The following NKAPL variants were observed in gnomAD, a reference collection of about 807,000 sequenced individuals.
NKAPL encodes the protein NFKB activating protein like, also known as NKAP-like protein.
Under a neutral mutation model 14.7 loss-of-function variants are expected in NKAPL, and 7 were observed. That is an observed-to-expected ratio of 0.48 (90% CI 0.27 to 0.89). The LOEUF is 0.89. Among genes scored for constraint, NKAPL ranks in the 40% least tolerant of loss-of-function variants. NKAPL has a pLI of 0.12. For synonymous variants in NKAPL, 192 were observed against 179.9 expected, an observed-to-expected ratio of 1.07 and a Z score of -0.54; for missense variants, 466 against 494.1, an observed-to-expected ratio of 0.94 and a Z score of 0.54.
Position 28,260,451 on chromosome 6 carries a change from C to A in NKAPL, c.1080C>A (p.Ile360=). The A allele has an allele frequency of 1.9e-6, 3 of 1,614,096 alleles. No individual in the cohort carries two copies. Among genetic ancestry groups the A allele is most frequent in the Non-Finnish European group, 2.5e-6 (3 of 1,179,984 alleles). The change falls in exon 1 of 1, where the codon ATC becomes ATA. Residue 360 remains isoleucine (I), a synonymous_variant. Coordinates refer to ENST00000343684, the MANE Select transcript of NKAPL (RefSeq NM_001007531.3). ...EAVRLRKENQ[I]YSADEKRALA... is the part of the protein sequence containing the mutation. Reference sequence around the variant, plus strand: ...TACGACTGCGTAAGGAGAACCAGATCTACAGTGCTGATGAGAAGAGAGCTC... The same window carrying A: ...TACGACTGCGTAAGGAGAACCAGATATACAGTGCTGATGAGAAGAGAGCTC...
At position 28,259,477 on chromosome 6, in the gene NKAPL, T is replaced by G. The variant is rs1432471828; in HGVS notation, c.106T>G (p.Ser36Ala). 1 of 1,614,008 alleles carries G rather than the reference T, an allele frequency of 6.2e-7. No homozygotes were observed. The highest frequency in any genetic ancestry group is 8.5e-7 in the Non-Finnish European group (1 of 1,180,046). ...SPPSPQSRCS[S>A]WDGCSRSHSR... is the part of the protein sequence containing the mutation. ...ACCATCCCCGCAGAGCAGATGTTCC[T>G]CTTGGGATGGCTGTTCCCGCTCTCA... Residue 36 changes from serine to alanine, a missense_variant, in exon 1 of 1, where the codon TCT becomes GCT. By Grantham distance (99) the Ser-to-Ala change is moderately conservative. Coordinates refer to ENST00000343684, the MANE Select transcript of NKAPL (RefSeq NM_001007531.3).
rs1761299912 is a variant in NKAPL, at chr6:28,259,782, G to A, written c.411G>A (p.Trp137Ter). ...GGGAATTGGGAGCGCCTGAAGTGTGGGGGCCGTCTCCAAAGTTCCCTCAGC... is the reference window on the plus strand; with the variant it reads ...GGGAATTGGGAGCGCCTGAAGTGTGAGGGCCGTCTCCAAAGTTCCCTCAGC... Reference protein sequence around the residue: ...RIGELGAPEVWGPSPKFPQLD... With the variant: ...RIGELGAPEV Residue 137 changes from tryptophan to a stop codon, truncating the protein, a stop_gained, in exon 1 of 1, where the codon TGG becomes TGA. Transcript: ENST00000343684. LOFTEE classifies it low-confidence loss of function (END_TRUNC). The A allele has an allele frequency of 1.2e-6, 2 of 1,614,192 alleles. No individual in the cohort carries two copies. The highest frequency in any genetic ancestry group is 1.6e-4 in the Middle Eastern group (1 of 6,062).
rs528411964 is a variant in NKAPL at position 28,260,594 on chromosome 6, G to A, written c.*14G>A. The A allele has an allele frequency of 1.3e-4, 200 of 1,594,390 alleles. No homozygotes were observed. The highest frequency in any genetic ancestry group is 8.3e-4 in the South Asian group (73 of 88,100). ...GATGACAAGTAAGGACTTACTTGTT[G>A]CACAGCAGGAATTTTAACAACAAAA... is the stretch of plus-strand genomic sequence containing the variant. On this transcript the variant is annotated 3_prime_UTR_variant, in exon 1 of 1. Transcript: ENST00000343684.
In NKAPL at chr6:28,259,555, G is replaced by A; in HGVS notation, c.184G>A (p.Ala62Thr). 6.2e-7 allele frequency: 1 copy of A among 1,614,044 alleles called. No homozygotes were observed. The highest frequency in any genetic ancestry group is 1.1e-5 in the South Asian group (1 of 91,084). ...RPPWSELDVG[A>T]LYPFSRSGSR... is the part of the protein sequence containing the mutation. ...TCCTTGGAGTGAGTTGGACGTGGGC[G>A]CTCTTTACCCCTTTAGTCGCTCTGG... The change falls in exon 1 of 1, where the codon GCT becomes ACT. Residue 62 changes from alanine (A) to threonine (T), a missense_variant. By Grantham distance (58) the Ala-to-Thr change is moderately conservative (BLOSUM62 0). Coordinates refer to ENST00000343684, the MANE Select transcript of NKAPL (RefSeq NM_001007531.3).
In NKAPL at chr6:28,259,389, G is replaced by A. The variant is rs912352760; in HGVS notation, c.18G>A (p.Arg6=). The A allele has an allele frequency of 1.1e-5, 17 of 1,587,954 alleles. No homozygotes were observed. The African/African-American group carries it at 2.3e-4, about 21-fold the overall frequency. MPPVS[R]SSYSEDIVGS... Reference sequence around the variant, plus strand: ...CGCGGCTCATGCCCCCAGTATCCCGGTCCAGCTATTCCGAGGACATCGTGG... The same window carrying A: ...CGCGGCTCATGCCCCCAGTATCCCGATCCAGCTATTCCGAGGACATCGTGG... The change falls in exon 1 of 1, where the codon CGG becomes CGA. Residue 6 remains arginine, a synonymous_variant. Coordinates refer to ENST00000343684, the MANE Select transcript of NKAPL (RefSeq NM_001007531.3).
chr6:28,260,041 A>G lies in NKAPL; in HGVS notation c.670A>G (p.Lys224Glu), dbSNP rs143551876. 501 of 1,586,600 alleles carry G rather than the reference A, an allele frequency of 3.2e-4. 1 individual carries two copies. The African/African-American group carries it at 6.0e-3, about 19-fold the overall frequency. The change falls in exon 1 of 1, where the codon AAA becomes GAA. Residue 224 changes from lysine (K) to glutamate (E), a missense_variant. Coordinates refer to ENST00000343684, the MANE Select transcript of NKAPL (RefSeq NM_001007531.3). ...CTCTGATGATGATAAAAAGAGAGTT[A>G]AAGCCAAGAAGAAAAAGAAGAAAAA... The part of the protein sequence containing the change: ...SDSDDDKKRV[K>E]AKKKKKKKKH...
Position 28,260,329 on chromosome 6 carries a change from C to T in NKAPL, c.958C>T (p.Arg320Ter), listed in dbSNP as rs201104720. Residue 320 changes from arginine to a stop codon, truncating the protein, a stop_gained, in exon 1 of 1, where the codon CGA becomes TGA. Transcript: ENST00000343684. LOFTEE classifies it high-confidence loss of function. ...TGTAAAAGCTGGAAAGCGAATCCCA[C>T]GAAGAGGTGAAATTGGGTTGACAAG... ...EYVKAGKRIP[R>*]RGEIGLTSEE... is the part of the protein sequence containing the mutation. 2.0e-5 allele frequency: 32 copies of T among 1,614,124 alleles called. No individual in the cohort carries two copies. The highest frequency in any genetic ancestry group is 2.5e-5 in the Non-Finnish European group (30 of 1,180,028).
rs766891192 is a variant in NKAPL at position 28,259,897 on chromosome 6, A to G, written c.526A>G (p.Arg176Gly). The G allele has an allele frequency of 6.2e-7, 1 of 1,613,390 alleles. No individual in the cohort carries two copies. The highest frequency in any genetic ancestry group is 2.2e-5 in the East Asian group (1 of 44,884). Residue 176 changes from arginine (R) to glycine (G), a missense_variant, in exon 1 of 1, where the codon AGG (arginine) becomes GGG (glycine). Physicochemically the swap from Arg to Gly is moderately radical, Grantham distance 125 (BLOSUM62 -2). Transcript: ENST00000343684. ...SSSDSNSEEH[R>G]KKKTSRSRNK... Reference sequence around the variant, plus strand: ...TTCAGATTCCAACTCGGAAGAACATAGGAAAAAGAAGACCAGTCGTTCAAG... The same window carrying G: ...TTCAGATTCCAACTCGGAAGAACATGGGAAAAAGAAGACCAGTCGTTCAAG...
rs139321594 is a variant in NKAPL at position 28,260,084 on chromosome 6, A to C, written c.713A>C (p.Lys238Thr). 3.0e-5 allele frequency: 48 copies of C among 1,580,120 alleles called. No individual in the cohort carries two copies. In the African/African-American group the frequency reaches 5.8e-4, roughly 19 times the overall value. The change falls in exon 1 of 1, where the codon AAA becomes ACA. Residue 238 changes from lysine (K) to threonine (T), a missense_variant. By Grantham distance (78) the Lys-to-Thr change is moderately conservative. Coordinates refer to ENST00000343684, the MANE Select transcript of NKAPL (RefSeq NM_001007531.3). Reference sequence around the variant, plus strand: ...AAGAAAAAGAAACACAAAACAAAGAAAAAGAAGAATAAGAAAACCAAAAAA... The same window carrying C: ...AAGAAAAAGAAACACAAAACAAAGACAAAGAAGAATAAGAAAACCAAAAAA... Reference protein sequence around the residue: ...KKKKKKHKTKKKKNKKTKKES... With the variant: ...KKKKKKHKTKTKKNKKTKKES...
chr6:28,260,957 T>C lies in NKAPL; in HGVS notation c.*377T>C. The C allele has an allele frequency of 5.8e-6, 1 of 171,448 alleles. No individual in the cohort carries two copies. Among genetic ancestry groups the C allele is most frequent in the African/African-American group, 2.4e-5 (1 of 41,654 alleles). 10.6% of individuals were successfully genotyped at this position (171,448 alleles called of 1,614,324 possible). A position where few individuals can be genotyped will look rare whatever the true frequency, so the allele number is the denominator to read the frequency against. On this transcript the variant is annotated 3_prime_UTR_variant, in exon 1 of 1. Transcript: ENST00000343684. ...GCTATTAAAGTTTTTTTTCGCTCGTTACTCTTTTGCCATTCATTTGCCCCG... is the reference window on the plus strand; with the variant it reads ...GCTATTAAAGTTTTTTTTCGCTCGTCACTCTTTTGCCATTCATTTGCCCCG...
In NKAPL at chr6:28,260,248, C is replaced by T; in HGVS notation, c.877C>T (p.Pro293Ser). 6.2e-7 allele frequency: 1 copy of T among 1,614,042 alleles called. No individual in the cohort carries two copies. Among genetic ancestry groups the T allele is most frequent in the South Asian group, 1.1e-5 (1 of 91,064 alleles). Reference protein sequence around the residue: ...PIIHTSQDEKPLKYGHALLPG... With the variant: ...PIIHTSQDEKSLKYGHALLPG... ...AATACATACCTCTCAAGATGAAAAA[C>T]CTTTGAAGTATGGCCATGCTTTGCT... The change falls in exon 1 of 1, where the codon CCT becomes TCT. Residue 293 changes from proline to serine, a missense_variant. Physicochemically the swap from Pro to Ser is moderately conservative, Grantham distance 74. Transcript: ENST00000343684.
In NKAPL at chr6:28,260,830, C is replaced by T. The variant is rs1432382051; in HGVS notation, c.*250C>T. The T allele has an allele frequency of 5.0e-6, 2 of 398,598 alleles. No individual in the cohort carries two copies. The highest frequency in any genetic ancestry group is 9.3e-6 in the Non-Finnish European group (2 of 215,478). 24.7% of individuals were successfully genotyped at this position (398,598 alleles called of 1,614,324 possible). A position where few individuals can be genotyped will look rare whatever the true frequency, so the allele number is the denominator to read the frequency against. On this transcript the variant is annotated 3_prime_UTR_variant, in exon 1 of 1. Transcript: ENST00000343684. ...TAAAAAGTGAATCTTTCACTTTAGC[C>T]CCTGACACCTTTCCCCCAAAAATAT...
rs1761329203 is a variant in NKAPL at position 28,260,679 on chromosome 6, T to C, written c.*99T>C. 7.0e-7 allele frequency: 1 copy of C among 1,438,512 alleles called. No homozygotes were observed. The highest frequency in any genetic ancestry group is 9.2e-7 in the Non-Finnish European group (1 of 1,082,680). 89.1% of individuals were successfully genotyped at this position (1,438,512 alleles called of 1,614,324 possible). On this transcript the variant is annotated 3_prime_UTR_variant, in exon 1 of 1. Coordinates refer to ENST00000343684, the MANE Select transcript of NKAPL (RefSeq NM_001007531.3). ...AGTGCTACTGTACTTACCATATTAGTAAGTCCCTCAGGAAAAAGCTTCTTT... is the reference window on the plus strand; with the variant it reads ...AGTGCTACTGTACTTACCATATTAGCAAGTCCCTCAGGAAAAAGCTTCTTT...
rs781258833 is a variant in NKAPL, at chr6:28,260,456, G to A, written c.1085G>A (p.Ser362Asn). 1.9e-6 allele frequency: 3 copies of A among 1,614,160 alleles called. No homozygotes were observed. Among genetic ancestry groups the A allele is most frequent in the South Asian group, 1.1e-5 (1 of 91,082 alleles). Reference protein sequence around the residue: ...VRLRKENQIYSADEKRALASF... With the variant: ...VRLRKENQIYNADEKRALASF... Reference sequence around the variant, plus strand: ...CTGCGTAAGGAGAACCAGATCTACAGTGCTGATGAGAAGAGAGCTCTTGCA... The same window carrying A: ...CTGCGTAAGGAGAACCAGATCTACAATGCTGATGAGAAGAGAGCTCTTGCA... The change falls in exon 1 of 1, where the codon AGT becomes AAT. Residue 362 changes from serine to asparagine, a missense_variant. Physicochemically the swap from Ser to Asn is conservative, Grantham distance 46 (BLOSUM62 1). Coordinates refer to ENST00000343684, the MANE Select transcript of NKAPL (RefSeq NM_001007531.3).
In NKAPL at chr6:28,260,304, T is replaced by C. The variant is rs781194861; in HGVS notation, c.933T>C (p.Tyr311=). Residue 311 remains tyrosine, a synonymous_variant, in exon 1 of 1, where the codon TAT becomes TAC. Coordinates refer to ENST00000343684, the MANE Select transcript of NKAPL (RefSeq NM_001007531.3). ...GTGAAGGTGCAGCTATGGCTGAGTA[T>C]GTAAAAGCTGGAAAGCGAATCCCAC... ...LPGEGAAMAE[Y]VKAGKRIPRR... 6.2e-7 allele frequency: 1 copy of C among 1,614,160 alleles called. No homozygotes were observed. Among genetic ancestry groups the C allele is most frequent in the Non-Finnish European group, 8.5e-7 (1 of 1,180,034 alleles).
Position 28,260,670 on chromosome 6 carries a change from C to G in NKAPL, c.*90C>G. ...AGGCTTTACAGTGCTACTGTACTTACCATATTAGTAAGTCCCTCAGGAAAA... is the reference window on the plus strand; with the variant it reads ...AGGCTTTACAGTGCTACTGTACTTAGCATATTAGTAAGTCCCTCAGGAAAA... On this transcript the variant is annotated 3_prime_UTR_variant, in exon 1 of 1. Coordinates refer to ENST00000343684, the MANE Select transcript of NKAPL (RefSeq NM_001007531.3). 2 of 1,474,540 alleles carry G rather than the reference C, an allele frequency of 1.4e-6. No individual in the cohort carries two copies. The highest frequency in any genetic ancestry group is 9.0e-7 in the Non-Finnish European group (1 of 1,108,080). The allele number at this position is 1,474,540 out of a possible 1,614,324, so 91.3% of individuals were successfully genotyped here.
At position 28,260,766 on chromosome 6, in the gene NKAPL, G is replaced by T; in HGVS notation, c.*186G>T. The T allele has an allele frequency of 1.6e-6, 1 of 639,800 alleles. No individual in the cohort carries two copies. Among genetic ancestry groups the T allele is most frequent in the South Asian group, 2.7e-5 (1 of 36,662 alleles). 39.6% of individuals were successfully genotyped at this position (639,800 alleles called of 1,614,324 possible). A position where few individuals can be genotyped will look rare whatever the true frequency, so the allele number is the denominator to read the frequency against. ...ACTTTAAAAAGTAATATGTGCACAT[G>T]GTTTTAAAAATATTCAACCATTATA... is the stretch of plus-strand genomic sequence containing the variant. On this transcript the variant is annotated 3_prime_UTR_variant, in exon 1 of 1. Coordinates refer to ENST00000343684, the MANE Select transcript of NKAPL (RefSeq NM_001007531.3).
chr6:28,260,036 G>A lies in NKAPL; in HGVS notation c.665G>A (p.Arg222Lys). The change falls in exon 1 of 1, where the codon AGA (arginine) becomes AAA (lysine). Residue 222 changes from arginine to lysine, a missense_variant. Physicochemically the swap from Arg to Lys is conservative, Grantham distance 26. Transcript: ENST00000343684. ...TCTGACTCTGATGATGATAAAAAGA[G>A]AGTTAAAGCCAAGAAGAAAAAGAAG... Reference protein sequence around the residue: ...TNSDSDDDKKRVKAKKKKKKK... With the variant: ...TNSDSDDDKKKVKAKKKKKKK... 1.3e-6 allele frequency: 2 copies of A among 1,589,174 alleles called. No homozygotes were observed. The highest frequency in any genetic ancestry group is 1.7e-6 in the Non-Finnish European group (2 of 1,173,834).
In NKAPL at chr6:28,259,499, C is replaced by G. The variant is rs555680177; in HGVS notation, c.128C>G (p.Ser43Cys). ...RCSSWDGCSR[S>C]HSRGREGLRP... The stretch of plus-strand genomic sequence containing the variant: ...TCCTCTTGGGATGGCTGTTCCCGCT[C>G]TCACTCCCGCGGCCGTGAGGGCCTC... The change falls in exon 1 of 1, where the codon TCT (serine) becomes TGT (cysteine). Residue 43 changes from serine to cysteine, a missense_variant. Coordinates refer to ENST00000343684, the MANE Select transcript of NKAPL (RefSeq NM_001007531.3). 1.9e-6 allele frequency: 3 copies of G among 1,614,206 alleles called. No homozygotes were observed. The highest frequency in any genetic ancestry group is 1.7e-5 in the Admixed American group (1 of 60,036).
Sources: gnomAD v4.1 joint callset for allele counts on GRCh38, gnomAD v4.1.1 for gene constraint, MANE v1.5 for transcripts, NCBI Gene and HGNC (gene_info 2026-07-23, HGNC 2026-07-21) for gene names.